Variants in ARHGAP39 observed in about 807,000 individuals in gnomAD.
ARHGAP39 encodes the protein rho GTPase-activating protein 39.
A neutral mutation model predicts 106.9 loss-of-function variants in ARHGAP39; 44 were observed. That is an observed-to-expected ratio of 0.41 (90% CI 0.32 to 0.53). The LOEUF (loss-of-function observed/expected upper bound fraction) is 0.53, where lower values mean the gene tolerates loss of function less well. Among genes scored for constraint, ARHGAP39 ranks in the 20% least tolerant of loss-of-function variants. The pLI is 0.21. For missense variants in ARHGAP39, 1,496 were observed against 1,577.3 expected (o/e 0.95, Z 0.87); for synonymous variants, 768 against 693.2 (o/e 1.11, Z -1.69).
At chr8:144,542,007 C>A (rs1418611812) in intron 6 of ARHGAP39, among the ~76,000 whole-genome samples, 3 of 150,732 alleles carry the variant, frequency 2.0e-5, no homozygotes, top group Non-Finnish European at 2.9e-5. Flanking sequence ...GGCTTCACTG[C>A]TGTTTTAGTG....
chr8:144,618,977 C>A (rs1820712120), intron 1 of ARHGAP39, among the ~76,000 whole-genome samples: 1 of 152,206 alleles, frequency 6.6e-6, no homozygotes, highest in Non-Finnish European at 1.5e-5. Context: ...AGACGTGGGG[C>A]CCCCAGGGCC....
At chr8:144,590,533 T>C (rs1586586226) in intron 2 of ARHGAP39, among the ~76,000 whole-genome samples, 1 of 152,156 alleles carries the variant, frequency 6.6e-6, no homozygotes, top group African/African-American at 2.4e-5. Context: ...GCTGAGCAGA[T>C]GCTGGCGCCA....
rs1417178506 is a variant in ARHGAP39 at position 144,671,187 on chromosome 8, C to T, written c.-82+14499G>A. On this transcript the variant is annotated intron_variant, in intron 1 of 11. Transcript: ENST00000377307. This position sits in a 1 kb window ranked among gnomAD's most constrained non-coding sequence, Gnocchi z 4.5. The stretch of plus-strand genomic sequence containing the variant: ...GGTGTCTCACCCATGCCAGGCTCTG[C>T]GGGTCACTGACAAGAGTCTCTGCCC... Among the ~76,000 whole-genome samples, 3 of 152,212 alleles carry T rather than the reference C, an allele frequency of 2.0e-5. No individual in the cohort carries two copies. The highest frequency in any genetic ancestry group is 7.2e-5 in the African/African-American group (3 of 41,456).
At position 144,591,864 on chromosome 8, in the gene ARHGAP39, G is replaced by T. The variant is rs190999439; in HGVS notation, c.81-10587C>A. ...GCGGCTTCCCCTGGATGGCGGCGTC[G>T]CCTCGTCGCCTCGTGCCTGCGGGGA... On this transcript the variant is annotated intron_variant, in intron 2 of 11. Transcript: ENST00000377307. This position sits in a 1 kb window ranked among gnomAD's most constrained non-coding sequence, Gnocchi z 5.3. 2.0e-3 allele frequency among the ~76,000 whole-genome samples: 300 copies of T among 152,170 alleles called. 1 individual carries two copies. The highest frequency in any genetic ancestry group is 6.9e-3 in the African/African-American group (286 of 41,562).
At chr8:144,580,758 G>GCGGGGGGGGGCCC in intron 3 of ARHGAP39, 88 bp downstream of exon 3, 1 of 185,576 alleles carries the variant, frequency 5.4e-6, no homozygotes, top group Non-Finnish European at 1.1e-5. Flanking sequence ...CTCTCACCTG[G>GCGGGGGGGGGCCC]CCCCGCCCAC....
chr8:144,600,120 TAG>T (rs555619106), intron 2 of ARHGAP39, among the ~76,000 whole-genome samples: 405 of 152,114 alleles, frequency 2.7e-3, no homozygotes, highest in Non-Finnish European at 4.3e-3. Flanking sequence ...TATGTGTGCG[TAG>T]AGACGAGTGT....
chr8:144,547,665 G>C lies in ARHGAP39; in HGVS notation c.1421C>G (p.Ser474Cys). ...PLPQAQEDAMSWSSQQDTLSS... is the reference protein window; with the variant it reads ...PLPQAQEDAMCWSSQQDTLSS... ...CAGGGTGTCCTGCTGGCTGGACCAG[G>C]ACATGGCATCCTCCTGGGCCTGTGG... The change falls in exon 5 of 12, where the codon TCC becomes TGC. Residue 474 changes from serine to cysteine, a missense_variant. This residue lies in a region of ARHGAP39 where 905 missense variants were observed against 816.4 expected (regional missense o/e 1.11). Transcript: ENST00000377307. The surrounding 1 kb of genome is among the most constrained non-coding windows in gnomAD (Gnocchi z 5.2). The C allele has an allele frequency of 6.4e-7, 1 of 1,562,190 alleles. No individual in the cohort carries two copies. Among genetic ancestry groups the C allele is most frequent in the Non-Finnish European group, 8.6e-7 (1 of 1,158,242 alleles).
intron 3 of ARHGAP39, among the ~76,000 whole-genome samples, chr8:144,562,137 G>T (rs1438545628): frequency 1.5e-4 from 21 of 140,506 alleles, no homozygotes; most frequent in Non-Finnish European, 1.5e-5. Context: ...GTTTCCATCG[G>T]ACTTACTCCA....
rs532287614 is a variant in ARHGAP39, at chr8:144,548,577, C to T, written c.597-88G>A. 2 of 1,480,526 alleles carry T rather than the reference C, an allele frequency of 1.4e-6. No homozygotes were observed. The highest frequency in any genetic ancestry group is 2.8e-5 in the African/African-American group (2 of 72,030). The allele number at this position is 1,480,526 out of a possible 1,614,324, so 91.7% of individuals were successfully genotyped here. ...CCCTCGGGGGCTGTAGGCAGCGGCT[C>T]CCGCGAACCCTCTGTTGTACACCTT... is the stretch of plus-strand genomic sequence containing the variant. On this transcript the variant is annotated intron_variant, in intron 4 of 11. Coordinates refer to ENST00000377307, the MANE Select transcript of ARHGAP39 (RefSeq NM_025251.3). This position sits in a 1 kb window ranked among gnomAD's most constrained non-coding sequence, Gnocchi z 7.4.
chr8:144,681,558 T>C (rs1192767158), intron 1 of ARHGAP39, among the ~76,000 whole-genome samples: 2 of 152,202 alleles, frequency 1.3e-5, no homozygotes, highest in Non-Finnish European at 1.5e-5. Context: ...GGACTTTTTT[T>C]CAACAGCACC....
intron 2 of ARHGAP39, among the ~76,000 whole-genome samples, chr8:144,598,142 A>C (rs1165601878): frequency 2.6e-5 from 4 of 152,280 alleles, no homozygotes; most frequent in Non-Finnish European, 4.4e-5. Context: ...ATGGCCTCGA[A>C]GGCTGGACAC....
chr8:144,599,478 A>G (rs1819759983), intron 2 of ARHGAP39, among the ~76,000 whole-genome samples: 1 of 152,270 alleles, frequency 6.6e-6, no homozygotes, highest in Admixed American at 6.5e-5. Flanking sequence ...ATTCTTCACA[A>G]TAGAAACCCA....
chr8:144,554,855 C>T (rs1467229161), intron 4 of ARHGAP39, among the ~76,000 whole-genome samples: 1 of 152,232 alleles, frequency 6.6e-6, no homozygotes, highest in Non-Finnish European at 1.5e-5. Context: ...TCCAGCTGTT[C>T]AATCGTCTGT....
chr8:144,570,276 G>A (rs924027414), intron 3 of ARHGAP39, among the ~76,000 whole-genome samples: 4 of 152,146 alleles, frequency 2.6e-5, no homozygotes, highest in Non-Finnish European at 4.4e-5. Context: ...CGAGCAGAAC[G>A]TGAGATGATG....
chr8:144,695,941 A>G, the ARHGAP39 span, among the ~76,000 whole-genome samples: 1 of 152,168 alleles, frequency 6.6e-6, no homozygotes, highest in Non-Finnish European at 1.5e-5. Flanking sequence ...GCTGCCAGTG[A>G]AAGAGCCGAG....
chr8:144,596,739 G>A (rs1819635967), intron 2 of ARHGAP39, among the ~76,000 whole-genome samples: 1 of 152,200 alleles, frequency 6.6e-6, no homozygotes, highest in South Asian at 2.1e-4. Context: ...GGTCCTCGGC[G>A]AAGATAAGAA....
chr8:144,610,944 G>T (rs760822181), intron 1 of ARHGAP39, among the ~76,000 whole-genome samples: 2 of 151,942 alleles, frequency 1.3e-5, no homozygotes, highest in African/African-American at 2.4e-5. Context: ...AACCTCCCCA[G>T]TAGCTGGGAT....
Position 144,530,765 on chromosome 8 carries a change from G to C in ARHGAP39, c.3087C>G (p.Ala1029=), listed in dbSNP as rs750934223. ...AHYDSPEAAV[A]VVHALPRINR... ...TGATGCGGGGCAGCGCGTGCACCAC[G>C]GCCACCGCCGCCTCGGGGCTGTCGT... The change falls in exon 11 of 12, where the codon GCC becomes GCG. Residue 1029 remains alanine, a synonymous_variant. Transcript: ENST00000377307. 1.2e-6 allele frequency: 2 copies of C among 1,610,874 alleles called. No homozygotes were observed. Among genetic ancestry groups the C allele is most frequent in the Non-Finnish European group, 1.7e-6 (2 of 1,179,178 alleles).
intron 2 of ARHGAP39, among the ~76,000 whole-genome samples, chr8:144,603,029 G>A (rs1820120850): frequency 6.9e-6 from 1 of 145,338 alleles, no homozygotes; most frequent in African/African-American, 2.6e-5. Context: ...ATGTATCTGT[G>A]TGCGTGCGTG....
Sources: allele counts gnomAD v4.1 joint callset (sites outside exome capture counted in the v4.1 genomes callset), GRCh38; gene constraint gnomAD v4.1.1; regional missense constraint gnomAD v4.1.1; non-coding constraint Gnocchi (gnomAD v3.1); transcripts MANE v1.5; gene names NCBI Gene and HGNC (gene_info 2026-07-23, HGNC 2026-07-21).